Variants in LRRN2 observed in about 807,000 individuals in gnomAD.
LRRN2 encodes leucine-rich repeat neuronal protein 2.
A neutral mutation model predicts 35.7 loss-of-function variants in LRRN2; 10 were observed. That is an observed-to-expected ratio of 0.28 (90% CI 0.17 to 0.47). LRRN2 has a LOEUF of 0.47. LRRN2 is among the 20% of genes least tolerant of loss of function. LRRN2 has a pLI of 0.99. For missense variants in LRRN2, 731 were observed against 940.3 expected (o/e 0.78, Z 2.91); for synonymous variants, 391 against 409.6 (o/e 0.95, Z 0.55).
intron 1 of LRRN2, among the ~76,000 whole-genome samples, chr1:204,684,625 C>T (rs1166424953): frequency 6.6e-6 from 1 of 152,162 alleles, no homozygotes; most frequent in Non-Finnish European, 1.5e-5. Context: ...CATCCTGTCT[C>T]CTGGGTCCTG....
chr1:204,650,276 G>A (rs1011598262), intron 1 of LRRN2, among the ~76,000 whole-genome samples: 3 of 152,218 alleles, frequency 2.0e-5, no homozygotes, highest in African/African-American at 7.2e-5. Flanking sequence ...ATTTGCAGTG[G>A]GCTAATTGTT....
chr1:204,647,875 T>C (rs998261969), intron 1 of LRRN2, among the ~76,000 whole-genome samples: 4 of 152,236 alleles, frequency 2.6e-5, no homozygotes, highest in Admixed American at 6.5e-5. Context: ...GAAAAAAGAA[T>C]GTGAAACATC....
At chr1:204,655,522 C>T (rs1668329311) in intron 1 of LRRN2, among the ~76,000 whole-genome samples, 1 of 152,136 alleles carries the variant, frequency 6.6e-6, no homozygotes, top group Admixed American at 6.5e-5. Context: ...TCTTGAACTC[C>T]TGGGCTCAAG....
At chr1:204,653,826 C>T (rs1273458395) in intron 1 of LRRN2, among the ~76,000 whole-genome samples, 1 of 147,140 alleles carries the variant, frequency 6.8e-6, no homozygotes, top group East Asian at 2.0e-4. Flanking sequence ...AGTACCACTG[C>T]ACTCCAGCCT....
chr1:204,645,267 A>G (rs980744624), intron 1 of LRRN2, among the ~76,000 whole-genome samples: 1 of 152,252 alleles, frequency 6.6e-6, no homozygotes, highest in Non-Finnish European at 1.5e-5. Context: ...GTCTGGCCCT[A>G]GAGTAACAGT....
chr1:204,673,530 A>G (rs545198379), intron 1 of LRRN2, among the ~76,000 whole-genome samples: 4 of 152,350 alleles, frequency 2.6e-5, no homozygotes, highest in East Asian at 1.9e-4. Context: ...GATGGATCCA[A>G]CTTTCAAGAA....
intron 1 of LRRN2, among the ~76,000 whole-genome samples, chr1:204,626,489 C>T (rs1012812967): frequency 6.6e-6 from 1 of 152,120 alleles, no homozygotes; most frequent in Non-Finnish European, 1.5e-5. Flanking sequence ...TTCAACTATT[C>T]AACTCCTCTT....
chr1:204,656,394 C>T (rs1668356914), intron 1 of LRRN2, among the ~76,000 whole-genome samples: 1 of 152,202 alleles, frequency 6.6e-6, no homozygotes, highest in Non-Finnish European at 1.5e-5. Flanking sequence ...GCCATAACCA[C>T]TGTTAACATT....
chr1:204,644,954 A>G (rs1260939541), intron 1 of LRRN2, among the ~76,000 whole-genome samples: 1 of 152,236 alleles, frequency 6.6e-6, no homozygotes, highest in Non-Finnish European at 1.5e-5. Flanking sequence ...TGATGGTTAG[A>G]GGACTGATAG....
chr1:204,661,025 A>C (rs1407136031), intron 1 of LRRN2, among the ~76,000 whole-genome samples: 1 of 152,080 alleles, frequency 6.6e-6, no homozygotes, highest in Non-Finnish European at 1.5e-5. Context: ...AGGCCTGAGG[A>C]GGGGAGGATG....
At chr1:204,647,283 A>T (rs147948565) in intron 1 of LRRN2, among the ~76,000 whole-genome samples, 264 of 152,310 alleles carry the variant, frequency 1.7e-3, no homozygotes, top group Non-Finnish European at 3.2e-3. Context: ...AAAATACCAC[A>T]CAATTGCAAA....
chr1:204,651,766 G>A (rs1365195718), intron 1 of LRRN2, among the ~76,000 whole-genome samples: 1 of 152,166 alleles, frequency 6.6e-6, no homozygotes, highest in Non-Finnish European at 1.5e-5. Flanking sequence ...GGGGGCTGCT[G>A]GGGAATCGCT....
At chr1:204,649,707 G>A (rs1668181615) in intron 1 of LRRN2, among the ~76,000 whole-genome samples, 1 of 152,164 alleles carries the variant, frequency 6.6e-6, no homozygotes, top group Non-Finnish European at 1.5e-5. Flanking sequence ...TTGTTTAGAG[G>A]AACTGGAGTT....
intron 1 of LRRN2, among the ~76,000 whole-genome samples, chr1:204,625,208 C>G (rs373456356): frequency 3.3e-5 from 5 of 152,204 alleles, no homozygotes. Flanking sequence ...CTTAACCTTT[C>G]GAGCCCCAAA....
At chr1:204,662,049 C>T (rs539903543) in intron 1 of LRRN2, among the ~76,000 whole-genome samples, 3 of 152,294 alleles carry the variant, frequency 2.0e-5, no homozygotes, top group South Asian at 2.1e-4. Context: ...AGCCTGATCC[C>T]TCTGCAGGGT....
intron 1 of LRRN2, among the ~76,000 whole-genome samples, chr1:204,623,746 A>G (rs947502233): frequency 6.6e-6 from 1 of 152,098 alleles, no homozygotes; most frequent in Non-Finnish European, 1.5e-5. Context: ...ACTTTCCCCA[A>G]TTGGATTCCG....
intron 1 of LRRN2, among the ~76,000 whole-genome samples, chr1:204,634,932 CAG>C (rs1667796374): frequency 6.6e-6 from 1 of 152,120 alleles, no homozygotes; most frequent in South Asian, 2.1e-4. Context: ...CCCTTTTTTA[CAG>C]AGACGTACAG....
Position 204,617,892 on chromosome 1 carries a change from C to T in LRRN2, c.2101G>A (p.Glu701Lys). ...NPGRKLPRSS[E>K]GETLLPPLSQ... ...AATGGTGGCAACAGTGTCTCCCCTT[C>T]TGAGGATCTGGGCAGCTTCCTCCCT... Residue 701 changes from glutamate to lysine, a missense_variant, in exon 2 of 2, where the codon GAA becomes AAA. This residue lies in a region of LRRN2 where 229 missense variants were observed against 258.4 expected (regional missense o/e 0.89). Coordinates refer to ENST00000367177, the MANE Select transcript of LRRN2 (RefSeq NM_201630.2). 6.2e-7 allele frequency: 1 copy of T among 1,614,132 alleles called. No individual in the cohort carries two copies. The highest frequency in any genetic ancestry group is 8.5e-7 in the Non-Finnish European group (1 of 1,180,040).
At chr1:204,678,094 C>G (rs1453343729) in intron 1 of LRRN2, among the ~76,000 whole-genome samples, 2 of 152,198 alleles carry the variant, frequency 1.3e-5, no homozygotes, top group Non-Finnish European at 2.9e-5. Flanking sequence ...AGGAAGCGTT[C>G]CCTATATAAC....
Sources: allele counts gnomAD v4.1 joint callset (sites outside exome capture counted in the v4.1 genomes callset), GRCh38; gene constraint gnomAD v4.1.1; regional missense constraint gnomAD v4.1.1; transcripts MANE v1.5; gene names NCBI Gene and HGNC (gene_info 2026-07-23, HGNC 2026-07-21).